The following NAV3 variants were observed in gnomAD, a reference collection of about 807,000 sequenced individuals.
The protein encoded by NAV3 is pore membrane and/or filament interacting like protein 1.
NAV3 carries 87 observed loss-of-function variants against 244.7 expected under a neutral mutation model. The observed-to-expected ratio is 0.36, with a 90% CI of 0.30 to 0.42. The LOEUF is 0.42. NAV3 is among the 20% of genes least tolerant of loss of function. The pLI is 1.00. For synonymous variants in NAV3, 1,126 were observed against 1,042.2 expected (o/e 1.08, Z -1.55); for missense variants, 2,663 against 2,893.3 (o/e 0.92, Z 1.83).
At chr12:78,132,383 C>T (rs146032146) in intron 18 of NAV3, among the ~76,000 whole-genome samples, 2 of 152,184 alleles carry the variant, frequency 1.3e-5, no homozygotes, top group African/African-American at 4.8e-5. Context: ...TGTGGGTTTC[C>T]CCCCTTAATC....
intron 1 of NAV3, among the ~76,000 whole-genome samples, chr12:77,846,435 C>T (rs1876644392): frequency 1.3e-5 from 2 of 152,142 alleles, no homozygotes; most frequent in Admixed American, 1.3e-4. Context: ...AATGAGTTAT[C>T]ACATAGGCTG....
At chr12:78,125,081 T>A (rs556119777) in intron 16 of NAV3, among the ~76,000 whole-genome samples, 1 of 152,306 alleles carries the variant, frequency 6.6e-6, no homozygotes, top group African/African-American at 2.4e-5. Context: ...TAAGAAAGTT[T>A]ATGACCTATT....
intron 3 of NAV3, among the ~76,000 whole-genome samples, chr12:77,942,934 C>A (rs986683550): frequency 6.6e-6 from 1 of 152,144 alleles, no homozygotes; most frequent in African/African-American, 2.4e-5. Flanking sequence ...CTTTTGCTTT[C>A]ATTATTTTTA....
Position 77,616,980 on chromosome 12 carries a change from C to T in NAV3, c.72+44714C>T, listed in dbSNP as rs559360202. On this transcript the variant is annotated intron_variant, in intron 2 of 8. Coordinates refer to the NAV3 transcript ENST00000550042. ...AGCTCTAAAAGAACATAATAGAATT[C>T]GCTATAGCATTGACATGATACTAAA... Among the ~76,000 whole-genome samples the T allele has an allele frequency of 5.9e-5, 9 of 152,214 alleles. No individual in the cohort carries two copies. In the East Asian group the frequency reaches 9.6e-4, roughly 16 times the overall value.
intron 1 of NAV3, among the ~76,000 whole-genome samples, chr12:77,914,147 A>G (rs2137079551): frequency 6.6e-6 from 1 of 152,204 alleles, no homozygotes; most frequent in Admixed American, 6.6e-5. Flanking sequence ...CCATAAATTT[A>G]TGTTTTGTAC....
Position 77,743,362 on chromosome 12 carries a change from G to C in NAV3, c.72+171096G>C, listed in dbSNP as rs568423347. 1.2e-4 allele frequency among the ~76,000 whole-genome samples: 18 copies of C among 151,818 alleles called. 1 individual carries two copies. The South Asian group carries it at 3.3e-3, about 28-fold the overall frequency. ...ATGAGGATTTTTTCGACTAGGGGTTGGTATCCCTAAACTCCATGTTGTTCA... is the reference window on the plus strand; with the variant it reads ...ATGAGGATTTTTTCGACTAGGGGTTCGTATCCCTAAACTCCATGTTGTTCA... On this transcript the variant is annotated intron_variant, in intron 2 of 8. Transcript: ENST00000550042.
chr12:77,882,040 A>G (rs895716889), intron 1 of NAV3, among the ~76,000 whole-genome samples: 2 of 152,106 alleles, frequency 1.3e-5, no homozygotes, highest in African/African-American at 4.8e-5. Context: ...CTATCAGACT[A>G]CGAATGGAAT....
At chr12:77,974,067 T>G (rs927497807) in intron 5 of NAV3, among the ~76,000 whole-genome samples, 1 of 152,020 alleles carries the variant, frequency 6.6e-6, no homozygotes, top group Non-Finnish European at 1.5e-5. Flanking sequence ...CACACACTTT[T>G]GTTACGTTCT....
chr12:77,587,201 T>C (rs1370924467), intron 2 of NAV3, among the ~76,000 whole-genome samples: 1 of 152,160 alleles, frequency 6.6e-6, no homozygotes, highest in Admixed American at 6.5e-5. Context: ...GTTGAACTAA[T>C]GTGCAGACTT....
At chr12:77,784,569 C>T (rs1048619421) in intron 2 of NAV3, among the ~76,000 whole-genome samples, 2 of 152,130 alleles carry the variant, frequency 1.3e-5, no homozygotes, top group African/African-American at 2.4e-5. Flanking sequence ...TGGGACACTT[C>T]ACTGGCTTGG....
chr12:77,714,331 T>C (rs1456336717), intron 2 of NAV3, among the ~76,000 whole-genome samples: 7 of 152,112 alleles, frequency 4.6e-5, no homozygotes, highest in Admixed American at 4.6e-4. Context: ...ATTCCTCAGT[T>C]CAGGCTATTT....
At chr12:78,187,382 A>T (rs1213281961) in intron 31 of NAV3, among the ~76,000 whole-genome samples, 1 of 151,926 alleles carries the variant, frequency 6.6e-6, no homozygotes, top group East Asian at 1.9e-4. Context: ...TAATGATAAC[A>T]TACTTGGTGA....
chr12:78,144,746 T>A (rs1397869319), intron 20 of NAV3, among the ~76,000 whole-genome samples: 2 of 150,704 alleles, frequency 1.3e-5, no homozygotes, highest in Non-Finnish European at 3.0e-5. Flanking sequence ...ACATGAATTA[T>A]TTATTGATTC....
In NAV3 at chr12:78,198,678, TA is replaced by T. The variant is rs768417714; in HGVS notation, c.6518+5del. On this transcript the variant is annotated splice_donor_region_variant and intron_variant, in intron 36 of 39. Transcript: ENST00000397909. ...TCTAGAGCTGCATCACAATTTCAGGTAAAGTTAAGTTGAAGGTTTTTTTGTT... is the reference window on the plus strand; with the variant it reads ...TCTAGAGCTGCATCACAATTTCAGGTAAGTTAAGTTGAAGGTTTTTTTGTT... 2.8e-5 allele frequency: 40 copies of T among 1,438,864 alleles called. No individual in the cohort carries two copies. The South Asian group carries it at 4.4e-4, about 16-fold the overall frequency. The allele number at this position is 1,438,864 out of a possible 1,614,324, so 89.1% of individuals were successfully genotyped here.
At chr12:77,593,256 A>G (rs1373279044) in intron 2 of NAV3, among the ~76,000 whole-genome samples, 1 of 118,840 alleles carries the variant, frequency 8.4e-6, no homozygotes, top group Non-Finnish European at 1.7e-5. Context: ...TGGTATATAT[A>G]TGTATGAGTG....
intron 2 of NAV3, among the ~76,000 whole-genome samples, chr12:77,672,862 G>A (rs7962810): frequency 0.053 from 8,060 of 152,130 alleles, 506 homozygotes; most frequent in African/African-American, 0.15. Flanking sequence ...ACTAGTTTTA[G>A]TTAGTGTAAA....
At chr12:78,143,626 GAA>G (rs71088361) in intron 20 of NAV3, among the ~76,000 whole-genome samples, 33 of 75,904 alleles carry the variant, frequency 4.3e-4, no homozygotes, top group South Asian at 9.8e-4. Context: ...CACTGTCTCA[GAA>G]AAAAAAAAAA....
intron 2 of NAV3, among the ~76,000 whole-genome samples, chr12:77,745,261 G>A (rs1168512660): frequency 1.3e-5 from 2 of 151,938 alleles, no homozygotes; most frequent in Non-Finnish European, 2.9e-5. Flanking sequence ...TGCAACTGAG[G>A]TTTTCTTTTG....
rs559310086 is a variant in NAV3, at chr12:78,180,654, T to C, written c.5518-217T>C. On this transcript the variant is annotated intron_variant, in intron 29 of 39. Coordinates refer to ENST00000397909, the MANE Select transcript of NAV3 (RefSeq NM_001024383.2). ...AAGCATGTCGAATGGTTGGATTGTC[T>C]ATATTTGTGAATTCAGGAATGTATA... Among the ~76,000 whole-genome samples, 5 of 152,194 alleles carry C rather than the reference T, an allele frequency of 3.3e-5. No individual in the cohort carries two copies. The East Asian group carries it at 9.7e-4, about 29-fold the overall frequency.
Sources: gnomAD v4.1 joint callset for allele counts (sites outside exome capture counted in the v4.1 genomes callset) on GRCh38, gnomAD v4.1.1 for gene constraint, MANE v1.5 for transcripts, NCBI Gene and HGNC (gene_info 2026-07-23, HGNC 2026-07-21) for gene names.